TMEM45A: variants seen among roughly 807,000 people sequenced by gnomAD.
TMEM45A encodes the protein DNA polymerase-transactivated protein 4.
Under a neutral mutation model 32.0 loss-of-function variants are expected in TMEM45A, and 25 were observed. The observed-to-expected ratio is 0.78, with a 90% confidence interval of 0.57 to 1.09. The LOEUF (loss-of-function observed/expected upper bound fraction) is 1.09, where lower values mean the gene tolerates loss of function less well. Ranked by LOEUF, TMEM45A falls within the 50% of genes least tolerant of loss-of-function variation. The probability of loss-of-function intolerance (pLI) is 0.00; values close to 1 mark genes in which losing one functional copy is unlikely to be tolerated. For synonymous variants in TMEM45A, 122 were observed against 114.8 expected (o/e 1.06, Z -0.40); for missense variants, 302 against 325.0 (o/e 0.93, Z 0.54).
rs887323613 is a variant in TMEM45A at position 100,492,670 on chromosome 3, G to A, written c.-262G>A. 1.3e-5 allele frequency: 2 copies of A among 152,254 alleles called. No homozygotes were observed. Among genetic ancestry groups the A allele is most frequent in the Non-Finnish European group, 2.9e-5 (2 of 68,052 alleles). 9.4% of individuals were successfully genotyped at this position (152,254 alleles called of 1,614,324 possible). A position where few individuals can be genotyped will look rare whatever the true frequency, so the allele number is the denominator to read the frequency against. ...CTCCTCGCGGGCCGACGTCAGCCGA[G>A]CACGTCCCCCACGTCCTCTCCTTCT... On this transcript the variant is annotated 5_prime_UTR_variant, in exon 1 of 6. Transcript: ENST00000323523.
chr3:100,518,449 G>A (rs1044741510), intron 1 of TMEM45A, among the ~76,000 whole-genome samples: 1 of 152,202 alleles, frequency 6.6e-6, no homozygotes, highest in East Asian at 1.9e-4. Flanking sequence ...TTAAAAGGGT[G>A]ATTCAGGTCT....
chr3:100,528,387 A>G (rs1191651913), intron 1 of TMEM45A, among the ~76,000 whole-genome samples: 2 of 152,134 alleles, frequency 1.3e-5, no homozygotes, highest in African/African-American at 4.8e-5. Context: ...CTCTTGGTTC[A>G]TTTTCATTTA....
chr3:100,498,628 G>T (rs73152126), intron 1 of TMEM45A, among the ~76,000 whole-genome samples: 1 of 151,778 alleles, frequency 6.6e-6, no homozygotes, highest in East Asian at 1.9e-4. Context: ...TGGAGAACCC[G>T]GGCCTCTAAT....
intron 1 of TMEM45A, among the ~76,000 whole-genome samples, chr3:100,505,639 G>A (rs1000291692): frequency 6.6e-6 from 1 of 152,356 alleles, no homozygotes; most frequent in East Asian, 1.9e-4. Flanking sequence ...TGAGTGCAAA[G>A]AGTTTTAAAG....
chr3:100,573,585 C>T (rs1269203667), intron 5 of TMEM45A: 1 of 152,108 alleles, frequency 6.6e-6, no homozygotes, highest in Admixed American at 6.6e-5. Flanking sequence ...TAATTGAATA[C>T]CCTTTATTTC....
At chr3:100,573,172 A>T (rs1214805482) in intron 5 of TMEM45A, 1 of 151,472 alleles carries the variant, frequency 6.6e-6, no homozygotes, top group Non-Finnish European at 1.5e-5. Context: ...ATGGCATTGA[A>T]TCTATAAATT....
rs1040846935 is a variant in TMEM45A, at chr3:100,577,121, A to G, written c.*103A>G. The G allele has an allele frequency of 3.5e-6, 3 of 863,032 alleles. No homozygotes were observed. The highest frequency in any genetic ancestry group is 1.7e-5 in the African/African-American group (1 of 58,308). 53.5% of individuals were successfully genotyped at this position (863,032 alleles called of 1,614,324 possible). A position where few individuals can be genotyped will look rare whatever the true frequency, so the allele number is the denominator to read the frequency against. On this transcript the variant is annotated 3_prime_UTR_variant, in exon 6 of 6. Coordinates refer to ENST00000323523, the MANE Select transcript of TMEM45A (RefSeq NM_018004.3). The stretch of plus-strand genomic sequence containing the variant: ...TTTGGAGAACAGCTGGCTAAGGATG[A>G]CTCTAAGTGTACTGTTTGCATTTCC...
At chr3:100,536,577 A>G (rs369623752) in intron 1 of TMEM45A, among the ~76,000 whole-genome samples, 3 of 152,360 alleles carry the variant, frequency 2.0e-5, no homozygotes, top group South Asian at 2.1e-4. Flanking sequence ...TTAAGAAATG[A>G]ATAAATAAGC....
chr3:100,561,805 G>GCTTCT (rs1706337775), intron 4 of TMEM45A, among the ~76,000 whole-genome samples: 2 of 152,142 alleles, frequency 1.3e-5, no homozygotes, highest in African/African-American at 4.8e-5. Flanking sequence ...TTTTAGGACA[G>GCTTCT]TTGCTTCCAC....
At chr3:100,566,638 A>G (rs904173444) in intron 4 of TMEM45A, among the ~76,000 whole-genome samples, 5 of 152,210 alleles carry the variant, frequency 3.3e-5, no homozygotes, top group Middle Eastern at 3.4e-3. Flanking sequence ...AAGGATTTCA[A>G]TTTCTCCATA....
chr3:100,523,919 G>A (rs1446848047), intron 1 of TMEM45A, among the ~76,000 whole-genome samples: 1 of 152,218 alleles, frequency 6.6e-6, no homozygotes, highest in Non-Finnish European at 1.5e-5. Context: ...ACTGCATAGA[G>A]CTAGAGAGCG....
At chr3:100,542,555 C>T (rs1344424892) in intron 1 of TMEM45A, among the ~76,000 whole-genome samples, 1 of 152,140 alleles carries the variant, frequency 6.6e-6, no homozygotes, top group Non-Finnish European at 1.5e-5. Context: ...ACGAACTATT[C>T]AGTCAACAAA....
chr3:100,555,547 T>C, intron 2 of TMEM45A, 146 bp downstream of exon 2: 1 of 798,748 alleles, frequency 1.3e-6, no homozygotes, highest in Non-Finnish European at 1.9e-6. Context: ...TTGCAAATGA[T>C]ATGAAATTAA....
At chr3:100,526,363 T>A (rs1276220609) in intron 1 of TMEM45A, among the ~76,000 whole-genome samples, 1 of 152,202 alleles carries the variant, frequency 6.6e-6, no homozygotes. Context: ...ACTCTTGCCT[T>A]GCATTTTCTT....
intron 1 of TMEM45A, among the ~76,000 whole-genome samples, chr3:100,544,107 A>T (rs1705939406): frequency 1.3e-5 from 2 of 151,822 alleles, no homozygotes; most frequent in South Asian, 4.2e-4. Context: ...TACAAGGTAG[A>T]TTTATTTTTT....
At chr3:100,533,479 C>T (rs1202424848) in intron 1 of TMEM45A, among the ~76,000 whole-genome samples, 1 of 152,062 alleles carries the variant, frequency 6.6e-6, no homozygotes, top group African/African-American at 2.4e-5. Context: ...CCAGCTCCAG[C>T]CTTTCTGATT....
chr3:100,493,156 T>C (rs1365390967), intron 1 of TMEM45A, among the ~76,000 whole-genome samples: 2 of 144,974 alleles, frequency 1.4e-5, no homozygotes, highest in Non-Finnish European at 3.0e-5. Context: ...GAGCTAGTTT[T>C]AAATATCCTG....
chr3:100,523,377 A>G (rs1705472441), intron 1 of TMEM45A, among the ~76,000 whole-genome samples: 1 of 152,172 alleles, frequency 6.6e-6, no homozygotes, highest in Non-Finnish European at 1.5e-5. Context: ...CCATCCATTC[A>G]TTCATTTATT....
intron 1 of TMEM45A, among the ~76,000 whole-genome samples, chr3:100,541,679 G>A (rs372062111): frequency 2.6e-4 from 39 of 152,030 alleles, no homozygotes; most frequent in African/African-American, 8.9e-4. Context: ...ATAGGCAAGT[G>A]CCACCATGCC....
Sources: gnomAD v4.1 joint callset for allele counts (sites outside exome capture counted in the v4.1 genomes callset) on GRCh38, gnomAD v4.1.1 for gene constraint, MANE v1.5 for transcripts, NCBI Gene and HGNC (gene_info 2026-07-23, HGNC 2026-07-21) for gene names.